The following EML2 variants were observed in gnomAD, a reference collection of about 807,000 sequenced individuals.
EML2 encodes the protein EMAP like 2, also known as echinoderm microtubule-associated protein-like 2.
In EML2, 59 loss-of-function variants were observed where a neutral mutation model predicts 84.7. The observed-to-expected ratio is 0.70, with a 90% confidence interval of 0.56 to 0.86. The LOEUF (loss-of-function observed/expected upper bound fraction) is 0.86, where lower values mean the gene tolerates loss of function less well. EML2 is among the 40% of genes least tolerant of loss of function. The probability of loss-of-function intolerance (pLI) is 0.00; values close to 1 mark genes in which losing one functional copy is unlikely to be tolerated. For synonymous variants in EML2, 352 were observed against 348.9 expected, an observed-to-expected ratio of 1.01 and a Z score of -0.10; for missense variants, 818 against 855.6, an observed-to-expected ratio of 0.96 and a Z score of 0.55.
upstream of EML2, chr19:45,641,750 T>C: frequency 6.5e-7 from 1 of 1,535,990 alleles, no homozygotes; most frequent in Non-Finnish European, 8.7e-7. Context: ...CGGACACTGC[T>C]AAAAGAGAGC....
intron 11 of EML2, 147 bp downstream of exon 11, chr19:45,621,060 G>T (rs1200423877): frequency 1.6e-6 from 2 of 1,249,232 alleles, no homozygotes; most frequent in Middle Eastern, 1.9e-4. Flanking sequence ...TGGATCCTGG[G>T]AAGGGGTCCT....
intron 7 of EML2, chr19:45,628,824 A>AAAGTAAGTAAGT (rs11288209): frequency 1.3e-3 from 194 of 147,530 alleles, no homozygotes; most frequent in African/African-American, 4.8e-3. Flanking sequence ...ACTCCGTCTC[A>AAAGTAAGTAAGT]AAGTAAGTAA....
chr19:45,638,428 G>A, intron 3 of EML2, 77 bp downstream of exon 3: 1 of 1,598,808 alleles, frequency 6.3e-7, no homozygotes, highest in Non-Finnish European at 8.5e-7. Flanking sequence ...GAGATTACAG[G>A]CCTGAGCTGC....
chr19:45,627,788 G>A (rs2060245), intron 7 of EML2, among the ~76,000 whole-genome samples: 74,363 of 151,868 alleles, frequency 0.49, 18,434 homozygotes, highest in East Asian at 0.63. Context: ...CAGGCTGGGC[G>A]TGGTGGTTCA....
intron 4 of EML2, among the ~76,000 whole-genome samples, chr19:45,633,829 C>T (rs1973378663): frequency 6.6e-6 from 1 of 152,228 alleles, no homozygotes; most frequent in Non-Finnish European, 1.5e-5. Flanking sequence ...ACTGCAGCCT[C>T]CAACTCCTGG....
At chr19:45,634,523 TTTG>T (rs1416033348) in intron 3 of EML2, 52 bp from the exon 4 acceptor site, 9 of 1,305,314 alleles carry the variant, frequency 6.9e-6, no homozygotes, top group Admixed American at 3.5e-5. Context: ...TTGTTGTTTG[TTTG>T]TTTTGTTTTT....
intron 9 of EML2, 96 bp from the exon 10 acceptor site, chr19:45,621,733 C>A: frequency 1.5e-6 from 2 of 1,312,660 alleles, no homozygotes; most frequent in South Asian, 1.4e-5. Flanking sequence ...TCCATCCATT[C>A]TCACCCACTT....
intron 8 of EML2, among the ~76,000 whole-genome samples, chr19:45,626,380 CTTTTTTTTTTTTTT>C (rs35850853): frequency 1.4e-4 from 11 of 79,450 alleles, no homozygotes; most frequent in Middle Eastern, 8.2e-3. Context: ...ATCCTCACAA[CTTTTTTTTTTTTTT>C]TTTTTTTTTT....
At chr19:45,619,681 G>A (rs1352205466) in intron 11 of EML2, among the ~76,000 whole-genome samples, 3 of 152,182 alleles carry the variant, frequency 2.0e-5, no homozygotes, top group Non-Finnish European at 4.4e-5. Flanking sequence ...ATCTCCTTGG[G>A]ACCTCAGTTT....
At chr19:45,613,451 G>A (rs1970696563) in intron 18 of EML2, 90 bp downstream of exon 18, 1 of 1,486,126 alleles carries the variant, frequency 6.7e-7, no homozygotes, top group African/African-American at 1.4e-5. Context: ...GAGGCTCAGA[G>A]AAGGGGTGGG....
chr19:45,628,823 CAAAG>C (rs1972680908), intron 7 of EML2: 1 of 137,212 alleles, frequency 7.3e-6, no homozygotes, highest in African/African-American at 3.2e-5. Context: ...AACTCCGTCT[CAAAG>C]TAAGTAAGTA....
chr19:45,609,546 C>T lies in EML2; in HGVS notation c.*117G>A, dbSNP rs3745817. The T allele has an allele frequency of 7.7e-3, 8,746 of 1,130,984 alleles. 182 individuals are homozygous for T. The highest frequency in any genetic ancestry group is 0.017 in the East Asian group (568 of 32,876). The allele number at this position is 1,130,984 out of a possible 1,614,324, so 70.1% of individuals were successfully genotyped here. Reference sequence around the variant, plus strand: ...ACTTCTGTATGTCAGTCTACCCTCCCGCCCCCATAACCCCCTCTGCTATAG... The same window carrying T: ...ACTTCTGTATGTCAGTCTACCCTCCTGCCCCCATAACCCCCTCTGCTATAG... On this transcript the variant is annotated 3_prime_UTR_variant, in exon 19 of 19. Transcript: ENST00000245925.
upstream of EML2, chr19:45,639,415 C>A (rs1600231193): frequency 8.0e-7 from 1 of 1,248,348 alleles, no homozygotes. Flanking sequence ...GGGGTGGAGC[C>A]GGGACCGGCT....
chr19:45,642,346 T>C, upstream of EML2: 3 of 1,529,752 alleles, frequency 2.0e-6, no homozygotes, highest in Non-Finnish European at 1.8e-6. Flanking sequence ...GCCCGACAAA[T>C]TGTCATCTGG....
intron 12 of EML2, among the ~76,000 whole-genome samples, 162 bp from the exon 13 acceptor site, chr19:45,617,859 T>C (rs571703103): frequency 6.6e-6 from 1 of 152,216 alleles, no homozygotes; most frequent in East Asian, 1.9e-4. Context: ...CAGCCATTCC[T>C]CTTTACATTT....
At chr19:45,638,447 C>T in intron 3 of EML2, 58 bp downstream of exon 3, 1 of 1,610,936 alleles carries the variant, frequency 6.2e-7, no homozygotes, top group Non-Finnish European at 8.5e-7. Flanking sequence ...GCCTTGACCG[C>T]CTTTCTATTT....
upstream of EML2, chr19:45,642,437 G>A (rs1369609183): frequency 6.1e-6 from 9 of 1,472,254 alleles, no homozygotes; most frequent in Non-Finnish European, 8.1e-6. Context: ...GGGTCTAAGC[G>A]GGGGGCCAGC....
chr19:45,613,101 G>T (rs915789096), intron 18 of EML2, among the ~76,000 whole-genome samples: 1 of 151,946 alleles, frequency 6.6e-6, no homozygotes, highest in Non-Finnish European at 1.5e-5. Context: ...GTCTCACTTT[G>T]TTGCCCAGGC....
intron 14 of EML2, 71 bp downstream of exon 14, chr19:45,616,694 T>TC: frequency 6.9e-7 from 1 of 1,457,114 alleles, no homozygotes; most frequent in South Asian, 1.2e-5. Context: ...GCTCCACCCC[T>TC]CCCCCTGCCA....
Sources: gnomAD v4.1 joint callset for allele counts (sites outside exome capture counted in the v4.1 genomes callset) on GRCh38, gnomAD v4.1.1 for gene constraint, MANE v1.5 for transcripts, NCBI Gene and HGNC (gene_info 2026-07-23, HGNC 2026-07-21) for gene names.